Variants in UNC79 observed in about 807,000 individuals in gnomAD.
UNC79 encodes unc-79 subunit of NALCN channel complex.
In UNC79, 37 loss-of-function variants were observed where a neutral mutation model predicts 283.1. That is an observed-to-expected ratio of 0.13 (90% CI 0.10 to 0.17). UNC79 has a LOEUF of 0.17. UNC79 is among the 10% of genes least tolerant of loss of function. The pLI, the probability that UNC79 is intolerant of heterozygous loss-of-function variation, is 1.00. For missense variants in UNC79, 2,272 were observed against 3,211.1 expected (o/e 0.71, Z 7.07); for synonymous variants, 1,107 against 1,200.2 (o/e 0.92, Z 1.61).
intron 1 of UNC79, among the ~76,000 whole-genome samples, chr14:93,421,956 C>T (rs947118022): frequency 1.3e-5 from 2 of 151,736 alleles, no homozygotes; most frequent in South Asian, 4.3e-4. Flanking sequence ...TAAAATTCAA[C>T]ACCTCTTCAT....
chr14:93,435,771 G>A (rs530874586), intron 1 of UNC79, among the ~76,000 whole-genome samples: 6 of 152,208 alleles, frequency 3.9e-5, no homozygotes, highest in African/African-American at 1.2e-4. Context: ...ATTCTAGCTC[G>A]TCAACAATCT....
chr14:93,392,060 A>G (rs570311846), intron 1 of UNC79, among the ~76,000 whole-genome samples: 20 of 152,358 alleles, frequency 1.3e-4, no homozygotes, highest in African/African-American at 4.6e-4. Context: ...TCCTGTGACC[A>G]TCAGTTTCAT....
rs556677194 is a variant in UNC79, at chr14:93,456,216, C to T, written c.23-11455C>T. ...GAGCATATGGAATTTGGAAAATACC[C>T]CTCAAATCTTGTTTGGCTTCTGATA... is the stretch of plus-strand genomic sequence containing the variant. On this transcript the variant is annotated intron_variant, in intron 1 of 48. Coordinates refer to ENST00000555664, the Ensembl canonical transcript of UNC79. 1.1e-4 allele frequency among the ~76,000 whole-genome samples: 17 copies of T among 151,958 alleles called. No individual in the cohort carries two copies. The East Asian group carries it at 2.7e-3, about 24-fold the overall frequency.
At chr14:93,693,924 A>G (rs543487553) in intron 46 of UNC79, among the ~76,000 whole-genome samples, 4 of 152,300 alleles carry the variant, frequency 2.6e-5, no homozygotes, top group South Asian at 4.1e-4. Context: ...AAGTAATTCA[A>G]GCATTTGTCA....
chr14:93,567,524 G>A (rs2062965128), intron 14 of UNC79, among the ~76,000 whole-genome samples: 1 of 152,080 alleles, frequency 6.6e-6, no homozygotes, highest in African/African-American at 2.4e-5. Flanking sequence ...ACCATGCCCG[G>A]CCTCACTTTT....
At chr14:93,394,999 C>G (rs1235873223) in intron 1 of UNC79, among the ~76,000 whole-genome samples, 1 of 152,174 alleles carries the variant, frequency 6.6e-6, no homozygotes, top group East Asian at 1.9e-4. Flanking sequence ...AGACATGAGC[C>G]ACTTCACCTG....
intron 1 of UNC79, among the ~76,000 whole-genome samples, chr14:93,342,387 A>AC (rs2053732560): frequency 6.6e-6 from 1 of 152,164 alleles, no homozygotes; most frequent in East Asian, 1.9e-4. Context: ...GACACAGGGC[A>AC]CCATGTCTTG....
exon 12 of UNC79, chr14:93,538,202 G>A (rs1240436849): frequency 6.3e-7 from 1 of 1,596,196 alleles, no homozygotes; most frequent in Non-Finnish European, 8.5e-7. Flanking sequence ...GGTCTGCGCC[G>A]TGGAAGCCGT....
At position 93,391,801 on chromosome 14, in the gene UNC79, A is replaced by G. The variant is rs148860819; in HGVS notation, c.-351+58278A>G. 1.1e-4 allele frequency among the ~76,000 whole-genome samples: 16 copies of G among 152,346 alleles called. No homozygotes were observed. The East Asian group carries it at 2.7e-3, about 26-fold the overall frequency. ...AAAAGACGATTTATATAAAATGATC[A>G]ATGACTTAAGCAGGAACTTCACAAA... On this transcript the variant is annotated intron_variant, in intron 1 of 49. Transcript: ENST00000256339.
chr14:93,439,773 G>C lies in UNC79; in HGVS notation c.22+8722G>C, dbSNP rs144100592. Among the ~76,000 whole-genome samples the C allele has an allele frequency of 2.6e-5, 4 of 152,068 alleles. No individual in the cohort carries two copies. In the East Asian group the frequency reaches 7.7e-4, roughly 29 times the overall value. ...TCTTTAACTTCTTTCTCTATTTGTTGTATGACACTTGTTCTATTTAGACTT... is the reference window on the plus strand; with the variant it reads ...TCTTTAACTTCTTTCTCTATTTGTTCTATGACACTTGTTCTATTTAGACTT... On this transcript the variant is annotated intron_variant, in intron 1 of 48. Transcript: ENST00000555664.
At chr14:93,673,803 G>T (rs767333939) in intron 41 of UNC79, among the ~76,000 whole-genome samples, 5 of 152,094 alleles carry the variant, frequency 3.3e-5, no homozygotes, top group Non-Finnish European at 5.9e-5. Flanking sequence ...GCCAGAAGTG[G>T]GGGAACAGGC....
At position 93,430,728 on chromosome 14, in the gene UNC79, C is replaced by G; in HGVS notation, c.-302C>G. On this transcript the variant is annotated 5_prime_UTR_variant, in exon 1 of 49. Coordinates refer to ENST00000555664, the Ensembl canonical transcript of UNC79. The surrounding 1 kb of genome is among the most constrained non-coding windows in gnomAD (Gnocchi z 4.6). Reference sequence around the variant, plus strand: ...CACCAGGAGCCGCAGCCTGCTCTCTCCTTTCGGTCTCCCCGCCCACATCAA... The same window carrying G: ...CACCAGGAGCCGCAGCCTGCTCTCTGCTTTCGGTCTCCCCGCCCACATCAA... 6.0e-6 allele frequency: 2 copies of G among 333,310 alleles called. 1 individual carries two copies. The highest frequency in any genetic ancestry group is 9.1e-5 in the South Asian group (2 of 22,074). 20.6% of individuals were successfully genotyped at this position (333,310 alleles called of 1,614,324 possible).
chr14:93,600,378 C>T (rs2065412869), intron 24 of UNC79, among the ~76,000 whole-genome samples, 191 bp from the exon 25 acceptor site: 1 of 152,176 alleles, frequency 6.6e-6, no homozygotes, highest in Non-Finnish European at 1.5e-5. Flanking sequence ...ATAAATTCCT[C>T]TTCTACATTT....
intron 1 of UNC79, among the ~76,000 whole-genome samples, chr14:93,359,820 CTT>C (rs919496532): frequency 5.3e-5 from 8 of 152,200 alleles, no homozygotes; most frequent in African/African-American, 1.9e-4. Flanking sequence ...GGCCGGGTCT[CTT>C]TGAGGAAGGA....
intron 40 of UNC79, among the ~76,000 whole-genome samples, chr14:93,663,331 T>C (rs2071802959): frequency 6.6e-6 from 1 of 152,180 alleles, no homozygotes; most frequent in Non-Finnish European, 1.5e-5. Context: ...TTGTTGGAGC[T>C]GGTAGATGCT....
At chr14:93,600,205 A>G (rs2065401302) in intron 24 of UNC79, among the ~76,000 whole-genome samples, 1 of 152,188 alleles carries the variant, frequency 6.6e-6, no homozygotes, top group African/African-American at 2.4e-5. Flanking sequence ...ATCTCAAAAA[A>G]CAAACAAAGA....
rs530731596 is a variant in UNC79, at chr14:93,579,144, T to A, written c.2434-1005T>A. 4.6e-5 allele frequency among the ~76,000 whole-genome samples: 7 copies of A among 152,294 alleles called. No homozygotes were observed. In the East Asian group the frequency reaches 1.3e-3, roughly 29 times the overall value. On this transcript the variant is annotated intron_variant, in intron 18 of 48. Transcript: ENST00000555664. Reference sequence around the variant, plus strand: ...ATTTTTTTGGCAGGAAGACCACAGATGTGATGTTATGTCCTTTGTAATGCA... The same window carrying A: ...ATTTTTTTGGCAGGAAGACCACAGAAGTGATGTTATGTCCTTTGTAATGCA...
At chr14:93,575,337 G>A (rs1342590691) in intron 17 of UNC79, 139 bp downstream of exon 17, 2 of 913,740 alleles carry the variant, frequency 2.2e-6, no homozygotes, top group Non-Finnish European at 3.3e-6. Flanking sequence ...TCTTTTAAGT[G>A]CATTAAATAG....
In UNC79 at chr14:93,621,167, A is replaced by G. The variant is rs755417041; in HGVS notation, c.4388-454A>G. 1.1e-5 allele frequency: 4 copies of G among 356,806 alleles called. No individual in the cohort carries two copies. Among genetic ancestry groups the G allele is most frequent in the Non-Finnish European group, 2.2e-5 (4 of 181,822 alleles). The allele number at this position is 356,806 out of a possible 1,614,324, so 22.1% of individuals were successfully genotyped here. On this transcript the variant is annotated intron_variant, in intron 29 of 48. Transcript: ENST00000555664. The surrounding 1 kb of genome is among the most constrained non-coding windows in gnomAD (Gnocchi z 4.8). ...ACCGTTGATTTATATATATGTATGC[A>G]CAAACAGTATATATATATACACATT...
Sources: gnomAD v4.1 joint callset for allele counts (sites outside exome capture counted in the v4.1 genomes callset) on GRCh38, gnomAD v4.1.1 for gene constraint, Gnocchi (gnomAD v3.1) non-coding constraint, MANE v1.5 for transcripts, NCBI Gene and HGNC (gene_info 2026-07-23, HGNC 2026-07-21) for gene names.